SCARB1: variants seen among roughly 807,000 people sequenced by gnomAD.
SCARB1 encodes the protein CD36 and LIMPII analogous 1.
SCARB1 carries 30 observed loss-of-function variants against 57.2 expected under a neutral mutation model. The ratio of observed to expected loss-of-function variants is 0.52; its 90% CI spans 0.39 to 0.71. The LOEUF (loss-of-function observed/expected upper bound fraction) is 0.71, where lower values mean the gene tolerates loss of function less well. Ranked by LOEUF, SCARB1 falls within the 30% of genes least tolerant of loss-of-function variation. SCARB1 has a pLI of 0.00. For missense variants in SCARB1, 543 were observed against 671.2 expected (o/e 0.81, Z 2.11); for synonymous variants, 249 against 268.3 (o/e 0.93, Z 0.70).
At chr12:124,836,222 C>G (rs543813310) in intron 1 of SCARB1, among the ~76,000 whole-genome samples, 1 of 152,214 alleles carries the variant, frequency 6.6e-6, no homozygotes, top group East Asian at 1.9e-4. Context: ...GGACATCACA[C>G]GTATTCACTG....
intron 1 of SCARB1, among the ~76,000 whole-genome samples, chr12:124,845,537 C>CA (rs34178546): frequency 0.24 from 25,681 of 106,362 alleles, 2,941 homozygotes; most frequent in Middle Eastern, 0.29. Flanking sequence ...ATTAAAAATA[C>CA]AAAAAAAAAA....
rs1333506225 is a variant in SCARB1 at position 124,863,766 on chromosome 12, T to G, written c.-46A>C. On this transcript the variant is annotated 5_prime_UTR_variant, in exon 1 of 13. Transcript: ENST00000261693. ...CCCGCGGCTCGCAGGGCTCCGCGCC[T>G]GGCAGGAGACGGGGACGGCGACAGA... is the stretch of plus-strand genomic sequence containing the variant. 7.1e-7 allele frequency: 1 copy of G among 1,401,542 alleles called. No homozygotes were observed. The highest frequency in any genetic ancestry group is 9.3e-7 in the Non-Finnish European group (1 of 1,079,774). The allele number at this position is 1,401,542 out of a possible 1,614,324, so 86.8% of individuals were successfully genotyped here. A position where few individuals can be genotyped will look rare whatever the true frequency, so the allele number is the denominator to read the frequency against.
chr12:124,851,436 C>CT (rs146381443), intron 1 of SCARB1, among the ~76,000 whole-genome samples: 18,373 of 150,828 alleles, frequency 0.12, 1,236 homozygotes, highest in South Asian at 0.19. Context: ...TGCTGTTTTC[C>CT]TTTTTTTTTC....
chr12:124,815,119 G>T lies in SCARB1; in HGVS notation c.285-5C>A, dbSNP rs751117023. ...TTGCTTTTGTGCCTGAACTCCCTGT[G>T]GGGGAAGCCAGTGGGTCAGACGCCC... On this transcript the variant is annotated splice_polypyrimidine_tract_variant and splice_region_variant and intron_variant, in intron 2 of 12. Transcript: ENST00000261693. The T allele has an allele frequency of 2.1e-5, 34 of 1,612,902 alleles. No individual in the cohort carries two copies. The highest frequency in any genetic ancestry group is 8.8e-5 in the South Asian group (8 of 91,082).
chr12:124,784,041 G>A (rs956267939), intron 11 of SCARB1: 15 of 152,192 alleles, frequency 9.9e-5, no homozygotes, highest in African/African-American at 3.6e-4. Context: ...TCCCCATTCT[G>A]GTGGACAATT....
At chr12:124,827,878 T>A (rs1951225568) in intron 1 of SCARB1, among the ~76,000 whole-genome samples, 1 of 152,096 alleles carries the variant, frequency 6.6e-6, no homozygotes, top group Non-Finnish European at 1.5e-5. Context: ...GGTTTATTGC[T>A]GTCCATCTGT....
chr12:124,819,295 G>T (rs893052352), intron 1 of SCARB1, among the ~76,000 whole-genome samples: 1 of 152,214 alleles, frequency 6.6e-6, no homozygotes, highest in African/African-American at 2.4e-5. Flanking sequence ...CCTGTGGTAG[G>T]GAGACGCTGG....
chr12:124,781,929 G>A (rs112809223), intron 12 of SCARB1, among the ~76,000 whole-genome samples: 4,037 of 151,666 alleles, frequency 0.027, 207 homozygotes, highest in African/African-American at 0.093. Context: ...TTTTTGAGAC[G>A]GAGTCTCACT....
intron 1 of SCARB1, among the ~76,000 whole-genome samples, chr12:124,854,576 T>C (rs1952556849): frequency 6.6e-6 from 1 of 152,148 alleles, no homozygotes; most frequent in African/African-American, 2.4e-5. Flanking sequence ...GGAGAGGTGA[T>C]GGTGCCTTGG....
chr12:124,845,362 C>T (rs1046967501), intron 1 of SCARB1, among the ~76,000 whole-genome samples: 2 of 152,082 alleles, frequency 1.3e-5, no homozygotes, highest in Admixed American at 6.6e-5. Flanking sequence ...CGGAAGCAGC[C>T]AGGCACTTAA....
At chr12:124,805,556 C>T (rs985679629) in intron 7 of SCARB1, among the ~76,000 whole-genome samples, 3 of 151,990 alleles carry the variant, frequency 2.0e-5, no homozygotes, top group African/African-American at 4.8e-5. Flanking sequence ...TTTAAGAGGA[C>T]GGCGGCCATC....
At chr12:124,786,291 G>C (rs570160993) in intron 11 of SCARB1, 66 bp downstream of exon 11, 1 of 1,605,650 alleles carries the variant, frequency 6.2e-7, no homozygotes, top group Admixed American at 1.7e-5. Flanking sequence ...TCCGATCTGA[G>C]GCCCCTTTCC....
chr12:124,830,809 CAA>C (rs1011086616), intron 1 of SCARB1, among the ~76,000 whole-genome samples: 3 of 151,968 alleles, frequency 2.0e-5, no homozygotes, highest in African/African-American at 7.2e-5. Context: ...AAAATTAAAG[CAA>C]AAAAAATTTT....
At chr12:124,781,054 G>C (rs945418344) in intron 12 of SCARB1, among the ~76,000 whole-genome samples, 1 of 152,166 alleles carries the variant, frequency 6.6e-6, no homozygotes, top group Non-Finnish European at 1.5e-5. Flanking sequence ...TGGGGACCCT[G>C]TCCCAGGGAG....
intron 9 of SCARB1, among the ~76,000 whole-genome samples, chr12:124,788,618 T>A (rs1462134123): frequency 6.6e-6 from 1 of 152,222 alleles, no homozygotes; most frequent in East Asian, 1.9e-4. Flanking sequence ...TGAGTGGAAC[T>A]TGGACTATGA....
At chr12:124,786,552 G>C (rs994768135) in intron 10 of SCARB1, 49 bp from the exon 11 acceptor site, 1 of 1,608,758 alleles carries the variant, frequency 6.2e-7, no homozygotes, top group African/African-American at 1.3e-5. Flanking sequence ...CAGGCTGCGG[G>C]CTACAGCGCA....
chr12:124,815,582 C>T (rs1043774259), intron 2 of SCARB1, among the ~76,000 whole-genome samples: 1 of 152,196 alleles, frequency 6.6e-6, no homozygotes, highest in Non-Finnish European at 1.5e-5. Context: ...AAGTGGAAAT[C>T]AGGTCGGGAG....
chr12:124,823,773 C>T lies in SCARB1; in HGVS notation c.127-6066G>A, dbSNP rs1056158795. Among the ~76,000 whole-genome samples, 5 of 152,256 alleles carry T rather than the reference C, an allele frequency of 3.3e-5. No individual in the cohort carries two copies. In the East Asian group the frequency reaches 9.6e-4, roughly 29 times the overall value. ...AACGCAGTGTGGTCTGTCCAGACAG[C>T]GGCATCTGACTCACTTAGAAAAAGG... On this transcript the variant is annotated intron_variant, in intron 1 of 12. Transcript: ENST00000261693.
At chr12:124,841,198 C>T (rs935988760) in intron 1 of SCARB1, among the ~76,000 whole-genome samples, 3 of 151,972 alleles carry the variant, frequency 2.0e-5, no homozygotes, top group African/African-American at 2.4e-5. Context: ...GGTGAAACCC[C>T]GTATCTACTA....
Sources: gnomAD v4.1 joint callset for allele counts (sites outside exome capture counted in the v4.1 genomes callset) on GRCh38, gnomAD v4.1.1 for gene constraint, MANE v1.5 for transcripts, NCBI Gene and HGNC (gene_info 2026-07-23, HGNC 2026-07-21) for gene names.